Variants in CFAP92 observed in about 807,000 individuals in gnomAD.
The protein encoded by CFAP92 is cilia and flagella associated protein 92 (putative).
Under a neutral mutation model 106.3 loss-of-function variants are expected in CFAP92, and 86 were observed. That is an observed-to-expected ratio of 0.81 (90% CI 0.68 to 0.97). CFAP92 has a LOEUF of 0.97. CFAP92 is among the 50% of genes least tolerant of loss of function. The pLI is 0.00. For synonymous variants in CFAP92, 477 were observed against 506.4 expected (o/e 0.94, Z 0.78); for missense variants, 1,204 against 1,283.8 (o/e 0.94, Z 0.95).
At chr3:128,977,902 G>T in intron 5 of CFAP92, 143 bp downstream of exon 5, 3 of 907,072 alleles carry the variant, frequency 3.3e-6, no homozygotes, top group Non-Finnish European at 5.1e-6. Flanking sequence ...ATACAGCCGT[G>T]TGGCAGGGTG....
rs1436605451 is a variant in CFAP92, at chr3:128,945,117, G to A, written c.2212C>T (p.Leu738=). Residue 738 remains leucine (L), a synonymous_variant, in exon 10 of 16, where the codon CTG becomes TTG. Coordinates refer to ENST00000645291, the MANE Select transcript of CFAP92 (RefSeq NM_001394090.1). ...GKTHLFILEG[L]ADQGLRQLWE... is the part of the protein sequence containing the mutation. ...AGCTGCCTCAAGCCTTGGTCGGCCA[G>A]GCCTTCCAGGATGAAAAGGTGTGTC... The A allele has an allele frequency of 1.3e-6, 2 of 1,534,972 alleles. No individual in the cohort carries two copies. Among genetic ancestry groups the A allele is most frequent in the African/African-American group, 1.4e-5 (1 of 73,010 alleles).
intron 11 of CFAP92, among the ~76,000 whole-genome samples, chr3:128,933,909 CTTCA>C (rs1333441414): frequency 1.3e-5 from 2 of 151,974 alleles, no homozygotes; most frequent in Admixed American, 1.3e-4. Context: ...CCTCCTCCTC[CTTCA>C]TTAATACATC....
chr3:128,993,957 T>G, intron 1 of CFAP92, 23 bp downstream of exon 1: 1 of 987,888 alleles, frequency 1.0e-6, no homozygotes, highest in Non-Finnish European at 1.2e-6. Flanking sequence ...GGGTCGGGGT[T>G]CCCCTCCAGG....
chr3:128,931,447 A>ATG (rs1553743249), intron 12 of CFAP92, among the ~76,000 whole-genome samples: 8 of 138,682 alleles, frequency 5.8e-5, no homozygotes, highest in African/African-American at 2.1e-4. Flanking sequence ...AGATATATAT[A>ATG]TGTGTGTATA....
the CFAP92 span, among the ~76,000 whole-genome samples, chr3:129,020,469 T>G: frequency 6.6e-6 from 1 of 152,048 alleles, no homozygotes; most frequent in Non-Finnish European, 1.5e-5. Flanking sequence ...AGACTCCATC[T>G]CTACAAAAAA....
the CFAP92 span, among the ~76,000 whole-genome samples, chr3:129,018,437 G>A: frequency 1.3e-5 from 2 of 152,142 alleles, no homozygotes; most frequent in Non-Finnish European, 2.9e-5. Context: ...TTTTAGTGTC[G>A]ATGAATAAAG....
At chr3:129,024,529 G>T in the CFAP92 span, among the ~76,000 whole-genome samples, 7 of 147,064 alleles carry the variant, frequency 4.8e-5, no homozygotes, top group African/African-American at 1.8e-4. Flanking sequence ...AGACTCCGTC[G>T]CAAAAAAAAA....
Position 129,001,496 on chromosome 3 carries a change from G to T in CFAP92, n.117+1078C>A, listed in dbSNP as rs1243954827. 5.4e-6 allele frequency: 7 copies of T among 1,284,492 alleles called. No individual in the cohort carries two copies. The African/African-American group carries it at 9.4e-5, about 17-fold the overall frequency. The allele number at this position is 1,284,492 out of a possible 1,614,324, so 79.6% of individuals were successfully genotyped here. ...TGAGGCCAGCGCAGCTGCTGGACAC[G>T]GTCCCCGGCGCCGCTCCAACCAGAC... is the stretch of plus-strand genomic sequence containing the variant. On this transcript the variant is annotated intron_variant and non_coding_transcript_variant, in intron 1 of 4. Coordinates refer to the CFAP92 transcript ENST00000510149.
intron 8 of CFAP92, chr3:128,967,927 A>AGTGGCATCCCACTCTCAGTC (rs1355908797): frequency 1.3e-5 from 2 of 152,272 alleles, no homozygotes; most frequent in East Asian, 1.9e-4. Flanking sequence ...ACTAGATGCC[A>AGTGGCATCCCACTCTCAGTC]GTGGCATCCC....
intron 5 of CFAP92, 100 bp from the exon 6 acceptor site, chr3:128,977,166 G>A (rs761769112): frequency 1.2e-6 from 1 of 843,680 alleles, no homozygotes; most frequent in Non-Finnish European, 2.0e-6. Context: ...TCTCTATGCA[G>A]AAGGCCTGGG....
chr3:128,937,351 G>A (rs1041688648), intron 10 of CFAP92, among the ~76,000 whole-genome samples: 18 of 148,880 alleles, frequency 1.2e-4, no homozygotes, highest in African/African-American at 2.2e-4. Flanking sequence ...AGTGGTTTAC[G>A]CCTGTAATCC....
At chr3:128,950,581 G>T (rs1940682543) in intron 9 of CFAP92, among the ~76,000 whole-genome samples, 2 of 152,220 alleles carry the variant, frequency 1.3e-5, no homozygotes, top group Admixed American at 1.3e-4. Context: ...CTCAGCATGG[G>T]TGCAGCGCAC....
intron 12 of CFAP92, among the ~76,000 whole-genome samples, chr3:128,925,569 A>T (rs1295296992): frequency 1.3e-5 from 2 of 152,210 alleles, no homozygotes; most frequent in Non-Finnish European, 2.9e-5. Flanking sequence ...TCAGATGCAG[A>T]TCATGGTGAA....
chr3:128,937,312 C>CA (rs34884891), intron 10 of CFAP92, among the ~76,000 whole-genome samples: 8,594 of 85,064 alleles, frequency 0.1, 417 homozygotes, highest in Admixed American at 0.16. Context: ...GACCCTGTCT[C>CA]AAAAAAAAAA....
In CFAP92 at chr3:128,912,465, G is replaced by A. The variant is rs184945177; in HGVS notation, c.3281-2132C>T. On this transcript the variant is annotated intron_variant, in intron 15 of 15. Transcript: ENST00000645291. ...ACTTCAGCCATGTTTGTCTTATCAC[G>A]GTGCAGAAAGATCACCCACCATCTC... 1,403 of 1,562,788 alleles carry A rather than the reference G, an allele frequency of 9.0e-4. 3 individuals carry two copies. Among genetic ancestry groups the A allele is most frequent in the Non-Finnish European group, 1.1e-3 (1,267 of 1,134,618 alleles).
At chr3:128,911,201 C>T (rs1441776842) in intron 15 of CFAP92, among the ~76,000 whole-genome samples, 4 of 152,056 alleles carry the variant, frequency 2.6e-5, no homozygotes, top group South Asian at 2.1e-4. Flanking sequence ...GGATTACAGG[C>T]GCACGCCACC....
chr3:129,004,101 G>A, upstream of CFAP92: 2 of 1,472,012 alleles, frequency 1.4e-6, no homozygotes, highest in Non-Finnish European at 9.0e-7. Flanking sequence ...CGTGCCCTGG[G>A]CCCAAGTTCC....
chr3:128,913,446 TCCAG>T (rs1936557813), intron 15 of CFAP92, among the ~76,000 whole-genome samples: 1 of 152,182 alleles, frequency 6.6e-6, no homozygotes, highest in South Asian at 2.1e-4. Flanking sequence ...TTTGCATTTC[TCCAG>T]CCTCCCTTCT....
chr3:128,938,234 T>TAAAAAGAAAG (rs763919859), intron 10 of CFAP92, among the ~76,000 whole-genome samples: 5 of 150,418 alleles, frequency 3.3e-5, no homozygotes, highest in African/African-American at 4.9e-5. Context: ...CCTGTCTCAA[T>TAAAAAGAAAG]AAAAAGAAAG....
Sources: gnomAD v4.1 joint callset for allele counts (sites outside exome capture counted in the v4.1 genomes callset) on GRCh38, gnomAD v4.1.1 for gene constraint, MANE v1.5 for transcripts, NCBI Gene and HGNC (gene_info 2026-07-23, HGNC 2026-07-21) for gene names.